The following ALDH18A1 variants were observed in gnomAD, a reference collection of about 807,000 sequenced individuals.
ALDH18A1 encodes the protein aldehyde dehydrogenase 18 family member A1.
A neutral mutation model predicts 88.8 loss-of-function variants in ALDH18A1; 44 were observed. The observed-to-expected ratio is 0.50, with a 90% CI of 0.39 to 0.64. ALDH18A1 has a LOEUF of 0.64. Among genes scored for constraint, ALDH18A1 ranks in the 30% least tolerant of loss-of-function variants. The pLI, the probability that ALDH18A1 is intolerant of heterozygous loss-of-function variation, is 0.00. For missense variants in ALDH18A1, 782 were observed against 1,009.5 expected (o/e 0.77, Z 3.05); for synonymous variants, 331 against 372.1 (o/e 0.89, Z 1.27).
intron 2 of ALDH18A1, among the ~76,000 whole-genome samples, chr10:95,645,637 G>A (rs907678613): frequency 1.3e-5 from 2 of 152,012 alleles, no homozygotes; most frequent in African/African-American, 4.8e-5. Flanking sequence ...TTAAATAACC[G>A]TTTTTCAAGT....
At position 95,655,126 on chromosome 10, in the gene ALDH18A1, TC is replaced by T. The variant is rs1398837352; in HGVS notation, c.-29+1470del. ...GTCTTGTGGAGAGTTACCCAATTTTTCTTTATTATTATTATTATTATTATTA... is the reference window on the plus strand; with the variant it reads ...GTCTTGTGGAGAGTTACCCAATTTTTTTTATTATTATTATTATTATTATTA... On this transcript the variant is annotated intron_variant, in intron 1 of 17. Transcript: ENST00000371224. Among the ~76,000 whole-genome samples the T allele has an allele frequency of 4.8e-3, 240 of 49,916 alleles. 1 individual carries two copies. The highest frequency in any genetic ancestry group is 0.011 in the African/African-American group (232 of 20,978). 32.7% of individuals were successfully genotyped at this position (49,916 alleles called of 152,430 possible).
chr10:95,608,698 G>A (rs375364236), intron 17 of ALDH18A1, among the ~76,000 whole-genome samples: 22 of 152,138 alleles, frequency 1.4e-4, no homozygotes, highest in African/African-American at 4.3e-4. Flanking sequence ...AGGAGGTCTC[G>A]CTGCGTTGCC....
At chr10:95,644,005 T>C (rs1220178618) in intron 2 of ALDH18A1, among the ~76,000 whole-genome samples, 1 of 152,116 alleles carries the variant, frequency 6.6e-6, no homozygotes, top group Non-Finnish European at 1.5e-5. Flanking sequence ...TAGCCGAGCA[T>C]GGTGGTGGGC....
chr10:95,633,507 T>G lies in ALDH18A1; in HGVS notation c.701A>C (p.Asp234Ala), dbSNP rs2097874589. The G allele has an allele frequency of 6.2e-7, 1 of 1,614,016 alleles. No homozygotes were observed. The highest frequency in any genetic ancestry group is 1.7e-5 in the Admixed American group (1 of 59,990). The change falls in exon 6 of 18, where the codon GAC (aspartate) becomes GCC (alanine). Residue 234 changes from aspartate to alanine, a missense_variant. By Grantham distance (126) the Asp-to-Ala change is moderately radical. Coordinates refer to ENST00000371224, the MANE Select transcript of ALDH18A1 (RefSeq NM_002860.4). ...TTTACCCACATTTACCCCCTGCAGG[T>G]CACTGTTGGGCTCAGCTGGGGGGAC... Reference protein sequence around the residue: ...AVVPPAEPNSDLQGVNVISVK... With the variant: ...AVVPPAEPNSALQGVNVISVK...
intron 7 of ALDH18A1, among the ~76,000 whole-genome samples, chr10:95,629,979 T>G (rs1279393912): frequency 1.3e-5 from 2 of 151,638 alleles, no homozygotes; most frequent in Non-Finnish European, 2.9e-5. Flanking sequence ...GAAGGAAGAG[T>G]GTAGCTTTTT....
intron 15 of ALDH18A1, 63 bp downstream of exon 15, chr10:95,613,679 C>T: frequency 2.5e-6 from 4 of 1,595,650 alleles, no homozygotes; most frequent in Admixed American, 3.3e-5. Context: ...TATGGCTGTG[C>T]CTGGTCTAAT....
In ALDH18A1 at chr10:95,626,728, A is replaced by G; in HGVS notation, c.1127T>C (p.Met376Thr). 6.2e-7 allele frequency: 1 copy of G among 1,613,982 alleles called. No homozygotes were observed. Among genetic ancestry groups the G allele is most frequent in the African/African-American group, 1.3e-5 (1 of 75,024 alleles). Residue 376 changes from methionine to threonine, a missense_variant, in exon 10 of 18, where the codon ATG becomes ACG. Physicochemically the swap from Met to Thr is moderately conservative, Grantham distance 81. Around this residue, in one of 3 missense-constraint regions of ALDH18A1, gnomAD observed 556 missense variants for 654.5 expected, o/e 0.85. Transcript: ENST00000371224. ...CTGCTCAGGTTCCAAGGTGGCCAAC[A>G]TCCTTCCTCCAGATCGCGCCATTTC... is the stretch of plus-strand genomic sequence containing the variant. ...QGEMARSGGR[M>T]LATLEPEQRA...
chr10:95,643,112 G>A lies in ALDH18A1; in HGVS notation c.183C>T (p.Phe61=), dbSNP rs375400820. ...VPLSRTHGKS[F]AHRSELKHAK... ...CATGCTTCAGCTCACTGCGGTGGGCGAAGGACTTGCCATGTGTACGACTGA... is the reference window on the plus strand; with the variant it reads ...CATGCTTCAGCTCACTGCGGTGGGCAAAGGACTTGCCATGTGTACGACTGA... The change falls in exon 3 of 18, where the codon TTC becomes TTT. Residue 61 remains phenylalanine (F), a synonymous_variant. Coordinates refer to ENST00000371224, the MANE Select transcript of ALDH18A1 (RefSeq NM_002860.4). The A allele has an allele frequency of 1.9e-5, 31 of 1,614,138 alleles. No homozygotes were observed. Among genetic ancestry groups the A allele is most frequent in the Middle Eastern group, 1.6e-4 (1 of 6,082 alleles).
chr10:95,649,351 A>ATT (rs376825293), intron 2 of ALDH18A1, among the ~76,000 whole-genome samples: 4,000 of 131,028 alleles, frequency 0.031, 100 homozygotes, highest in Non-Finnish European at 0.047. Flanking sequence ...ATTTTTACAG[A>ATT]TTTTTTTTTT....
intron 3 of ALDH18A1, among the ~76,000 whole-genome samples, chr10:95,640,241 C>T (rs1421919011): frequency 6.6e-6 from 1 of 151,974 alleles, no homozygotes; most frequent in East Asian, 1.9e-4. Context: ...ATATGAGTAG[C>T]TTCTCTAGTG....
intron 12 of ALDH18A1, among the ~76,000 whole-genome samples, chr10:95,617,151 G>A (rs2097845528): frequency 6.6e-6 from 1 of 152,202 alleles, no homozygotes; most frequent in South Asian, 2.1e-4. Flanking sequence ...GGAGGCTGAG[G>A]CAAGAGACTT....
At chr10:95,629,878 C>T (rs575313833) in intron 7 of ALDH18A1, among the ~76,000 whole-genome samples, 3 of 151,998 alleles carry the variant, frequency 2.0e-5, no homozygotes, top group Non-Finnish European at 2.9e-5. Context: ...TGCATCAAAA[C>T]GATTTGCTAG....
chr10:95,637,266 G>A (rs752719146), intron 4 of ALDH18A1, 21 bp downstream of exon 4: 1 of 1,614,114 alleles, frequency 6.2e-7, no homozygotes, highest in African/African-American at 1.3e-5. Flanking sequence ...CCATTTCAAT[G>A]TGTGGGGAAG....
rs2097840761 is a variant in ALDH18A1, at chr10:95,614,226, C to T, written c.1606-65G>A. ...ACCACACAAAATATAAAAACAGCAGCTTCCCTTTTACAGATAAACATCTGT... is the reference window on the plus strand; with the variant it reads ...ACCACACAAAATATAAAAACAGCAGTTTCCCTTTTACAGATAAACATCTGT... On this transcript the variant is annotated intron_variant, in intron 13 of 17. Transcript: ENST00000371224. 2.6e-6 allele frequency: 4 copies of T among 1,528,668 alleles called. No homozygotes were observed. The Admixed American group carries it at 6.7e-5, about 26-fold the overall frequency. The allele number at this position is 1,528,668 out of a possible 1,614,324, so 94.7% of individuals were successfully genotyped here.
intron 3 of ALDH18A1, among the ~76,000 whole-genome samples, chr10:95,641,583 A>G (rs1310348932): frequency 1.3e-5 from 2 of 151,262 alleles, no homozygotes; most frequent in Non-Finnish European, 2.9e-5. Flanking sequence ...ACTTTATCAC[A>G]GTTCACTGCA....
intron 11 of ALDH18A1, among the ~76,000 whole-genome samples, chr10:95,625,002 A>T (rs765999330): frequency 8.5e-5 from 13 of 152,180 alleles, no homozygotes; most frequent in Non-Finnish European, 1.2e-4. Flanking sequence ...TGACATCCTG[A>T]CTGCATAGCC....
At chr10:95,641,941 C>T (rs1200667104) in intron 3 of ALDH18A1, among the ~76,000 whole-genome samples, 1 of 151,970 alleles carries the variant, frequency 6.6e-6, no homozygotes, top group Non-Finnish European at 1.5e-5. Flanking sequence ...CACACCCAAC[C>T]GATTTTATTT....
At chr10:95,641,771 C>T (rs2097892125) in intron 3 of ALDH18A1, among the ~76,000 whole-genome samples, 1 of 151,936 alleles carries the variant, frequency 6.6e-6, no homozygotes. Flanking sequence ...CCCGAGTAGC[C>T]GGGGCCACAG....
At chr10:95,632,172 G>A (rs2097871336) in intron 7 of ALDH18A1, among the ~76,000 whole-genome samples, 1 of 152,180 alleles carries the variant, frequency 6.6e-6, no homozygotes, top group African/African-American at 2.4e-5. Flanking sequence ...TTCCAGAACA[G>A]GTTAATCCAT....
Sources: allele counts gnomAD v4.1 joint callset (sites outside exome capture counted in the v4.1 genomes callset), GRCh38; gene constraint gnomAD v4.1.1; regional missense constraint gnomAD v4.1.1; transcripts MANE v1.5; gene names NCBI Gene and HGNC (gene_info 2026-07-23, HGNC 2026-07-21).